Variants in DBNDD1 observed in about 807,000 individuals in gnomAD.
DBNDD1 encodes dysbindin domain containing 1, also known as dysbindin domain-containing protein 1.
DBNDD1 carries 14 observed loss-of-function variants against 17.0 expected under a neutral mutation model. The ratio of observed to expected loss-of-function variants is 0.82; its 90% confidence interval spans 0.54 to 1.29. DBNDD1 has a LOEUF of 1.29. Among genes scored for constraint, DBNDD1 ranks in the 50% most tolerant of loss-of-function variants. The probability of loss-of-function intolerance (pLI) is 0.00; values close to 1 mark genes in which losing one functional copy is unlikely to be tolerated. For synonymous variants in DBNDD1, 105 were observed against 102.0 expected (o/e 1.03, Z -0.18); for missense variants, 221 against 216.2 (o/e 1.02, Z -0.14).
intron 1 of DBNDD1, among the ~76,000 whole-genome samples, chr16:90,015,150 C>G (rs1377973705): frequency 6.6e-6 from 1 of 152,202 alleles, no homozygotes; most frequent in Non-Finnish European, 1.5e-5. Context: ...TCCCCATCTC[C>G]CTTTGGCCTG....
intron 1 of DBNDD1, among the ~76,000 whole-genome samples, chr16:90,016,571 T>C (rs959210139): frequency 1.3e-5 from 2 of 152,162 alleles, no homozygotes; most frequent in Non-Finnish European, 2.9e-5. Flanking sequence ...CCAACCCCCC[T>C]GCAGGGGCTG....
At chr16:90,013,661 C>T (rs932538294) in intron 1 of DBNDD1, among the ~76,000 whole-genome samples, 2 of 152,214 alleles carry the variant, frequency 1.3e-5, no homozygotes, top group African/African-American at 4.8e-5. Flanking sequence ...GGCGTCTCCC[C>T]TTGTAGTCCC....
chr16:90,016,992 C>A lies in DBNDD1; in HGVS notation c.31+2319G>T, dbSNP rs192799813. On this transcript the variant is annotated intron_variant, in intron 1 of 3. Transcript: ENST00000002501. The stretch of plus-strand genomic sequence containing the variant: ...GGATGCTGGAGTGGCCGTGTCTAGA[C>A]TCTCAGCCTCCTGAGGATCCCTCTG... Among the ~76,000 whole-genome samples the A allele has an allele frequency of 2.6e-3, 392 of 152,294 alleles. 1 individual carries two copies. Among genetic ancestry groups the A allele is most frequent in the Middle Eastern group, 3.4e-3 (1 of 294 alleles).
intron 3 of DBNDD1, among the ~76,000 whole-genome samples, chr16:90,007,944 C>A (rs112216641): frequency 0.035 from 2,773 of 79,546 alleles, 1 homozygote; most frequent in South Asian, 0.061. Flanking sequence ...AACACACCTC[C>A]CAGGACTTCC....
chr16:90,012,044 A>G (rs2035564012), intron 1 of DBNDD1, among the ~76,000 whole-genome samples: 1 of 152,220 alleles, frequency 6.6e-6, no homozygotes, highest in Admixed American at 6.5e-5. Flanking sequence ...CAATTCCAAA[A>G]TGCTTCCACA....
intron 1 of DBNDD1, among the ~76,000 whole-genome samples, chr16:90,010,374 T>G (rs1433171467): frequency 6.9e-6 from 1 of 145,616 alleles, no homozygotes; most frequent in Non-Finnish European, 1.5e-5. Context: ...TACCTTTTTT[T>G]TTTTTTTTTT....
intron 1 of DBNDD1, among the ~76,000 whole-genome samples, chr16:90,017,130 T>C (rs915808226): frequency 1.3e-5 from 2 of 152,272 alleles, no homozygotes; most frequent in Non-Finnish European, 2.9e-5. Flanking sequence ...CACCTCCGTG[T>C]TCTGTACATT....
At chr16:90,013,262 T>TAAAAAAAAACAAAAAAAAAAAA (rs2035586642) in intron 1 of DBNDD1, among the ~76,000 whole-genome samples, 1 of 49,182 alleles carries the variant, frequency 2.0e-5, no homozygotes, top group African/African-American at 7.0e-5. Context: ...AACCTTGCCT[T>TAAAAAAAAACAAAAAAAAAAAA]AAAAAAAAAA....
chr16:90,010,262 ACTCCTGAC>A (rs1178620997), intron 1 of DBNDD1: 1 of 454,346 alleles, frequency 2.2e-6, no homozygotes, highest in East Asian at 4.4e-5. Context: ...GCCAGGCTGA[ACTCCTGAC>A]CTCAGGTGAT....
At chr16:90,012,420 C>T (rs543679497) in intron 1 of DBNDD1, among the ~76,000 whole-genome samples, 2 of 152,010 alleles carry the variant, frequency 1.3e-5, no homozygotes, top group East Asian at 1.9e-4. Context: ...TGTCCCTCCC[C>T]GCCCCTCCTT....
rs185127602 is a variant in DBNDD1 at position 90,014,252 on chromosome 16, A to G, written c.32-4822T>C. On this transcript the variant is annotated intron_variant, in intron 1 of 3. Transcript: ENST00000002501. ...AGGGATCCTCTTGCCTCAGCCTCCC[A>G]AGTAGCTGGGATTACAGGCGTGCGC... 4.6e-5 allele frequency among the ~76,000 whole-genome samples: 7 copies of G among 151,652 alleles called. No homozygotes were observed. In the East Asian group the frequency reaches 1.4e-3, roughly 30 times the overall value.
upstream of DBNDD1, chr16:90,019,679 C>A (rs1305192579): frequency 3.6e-6 from 2 of 548,274 alleles, no homozygotes; most frequent in Non-Finnish European, 6.3e-6. This position sits in a 1 kb window ranked among gnomAD's most constrained non-coding sequence, Gnocchi z 6.1. Flanking sequence ...CGGGACCTGG[C>A]TGCGCCCTCC....
chr16:90,012,315 G>A (rs562667803), intron 1 of DBNDD1, among the ~76,000 whole-genome samples: 6 of 152,164 alleles, frequency 3.9e-5, no homozygotes, highest in Non-Finnish European at 8.8e-5. Context: ...GGCTACAGGG[G>A]CTCTTACCTC....
chr16:90,016,178 T>C (rs1387217832), intron 1 of DBNDD1, among the ~76,000 whole-genome samples: 4 of 151,560 alleles, frequency 2.6e-5, no homozygotes, highest in Non-Finnish European at 5.9e-5. Context: ...AAGCATCAGC[T>C]CTAAGCGGCT....
intron 1 of DBNDD1, among the ~76,000 whole-genome samples, chr16:90,013,051 T>G (rs928875163): frequency 1.3e-5 from 2 of 151,628 alleles, no homozygotes; most frequent in African/African-American, 4.8e-5. Flanking sequence ...GCCAGAGTAG[T>G]TCTGCAGAGA....
Position 90,006,226 on chromosome 16 carries a change from G to C in DBNDD1, c.*109C>G, listed in dbSNP as rs1038298162. On this transcript the variant is annotated 3_prime_UTR_variant, in exon 4 of 4. Transcript: ENST00000002501. ...CCCAGGGTGTGTGTCAGGAGGTGAC[G>C]GCTGGAGCCTCGTGGGCGGGTGAAG... 1 of 1,414,150 alleles carries C rather than the reference G, an allele frequency of 7.1e-7. No individual in the cohort carries two copies. The highest frequency in any genetic ancestry group is 9.4e-7 in the Non-Finnish European group (1 of 1,058,666). The allele number at this position is 1,414,150 out of a possible 1,614,324, so 87.6% of individuals were successfully genotyped here.
At position 90,019,241 on chromosome 16, in the gene DBNDD1, G is replaced by T. The variant is rs1374481367; in HGVS notation, c.31+70C>A. 1.0e-5 allele frequency: 8 copies of T among 801,398 alleles called. No homozygotes were observed. The highest frequency in any genetic ancestry group is 6.2e-5 in the South Asian group (1 of 16,154). 49.6% of individuals were successfully genotyped at this position (801,398 alleles called of 1,614,324 possible). On this transcript the variant is annotated intron_variant, in intron 1 of 3. Transcript: ENST00000002501. This position sits in a 1 kb window ranked among gnomAD's most constrained non-coding sequence, Gnocchi z 6.1. Reference sequence around the variant, plus strand: ...CCGGGAGCGGCGAAGGGTGAGCCCTGGGGGGAGGGGCTGCGGCTCGCTGCG... The same window carrying T: ...CCGGGAGCGGCGAAGGGTGAGCCCTTGGGGGAGGGGCTGCGGCTCGCTGCG...
At position 90,006,325 on chromosome 16, in the gene DBNDD1, T is replaced by G; in HGVS notation, c.*10A>C. 1 of 1,597,778 alleles carries G rather than the reference T, an allele frequency of 6.3e-7. No homozygotes were observed. Among genetic ancestry groups the G allele is most frequent in the South Asian group, 1.1e-5 (1 of 89,280 alleles). On this transcript the variant is annotated 3_prime_UTR_variant, in exon 4 of 4. Transcript: ENST00000002501. ...CCATCCCTGCAGGAGCTGGGGCAGG[T>G]GGAGATGGTCTAGTCCTCCTGGGGC...
intron 1 of DBNDD1, among the ~76,000 whole-genome samples, chr16:90,014,726 C>T (rs9923259): frequency 0.96 from 145,743 of 152,220 alleles, 69,788 homozygotes; most frequent in East Asian, 1. Context: ...TCCTTTCGGC[C>T]GGGCGCGGTG....
Sources: gnomAD v4.1 joint callset for allele counts (sites outside exome capture counted in the v4.1 genomes callset) on GRCh38, gnomAD v4.1.1 for gene constraint, Gnocchi (gnomAD v3.1) non-coding constraint, MANE v1.5 for transcripts, NCBI Gene and HGNC (gene_info 2026-07-23, HGNC 2026-07-21) for gene names.